The following NEK10 variants were observed in gnomAD, a reference collection of about 807,000 sequenced individuals.
NEK10 encodes NIMA related kinase 10, also known as serine/threonine-protein kinase Nek10.
A neutral mutation model predicts 159.8 loss-of-function variants in NEK10; 122 were observed. That is an observed-to-expected ratio of 0.76 (90% confidence interval 0.66 to 0.89). The LOEUF (loss-of-function observed/expected upper bound fraction) is 0.89, where lower values mean the gene tolerates loss of function less well. Ranked by LOEUF, NEK10 falls within the 40% of genes least tolerant of loss-of-function variation. NEK10 has a pLI of 0.00. For missense variants in NEK10, 1,342 were observed against 1,323.1 expected, an observed-to-expected ratio of 1.01 and a Z score of -0.22; for synonymous variants, 466 against 457.1, an observed-to-expected ratio of 1.02 and a Z score of -0.25.
chr3:27,267,473 C>T (rs1031258427), intron 22 of NEK10, among the ~76,000 whole-genome samples: 6 of 152,132 alleles, frequency 3.9e-5, no homozygotes, highest in African/African-American at 1.4e-4. Flanking sequence ...ACAGCATCTG[C>T]TCACTTTATA....
intron 23 of NEK10, among the ~76,000 whole-genome samples, chr3:27,237,142 C>T (rs191540748): frequency 1.2e-3 from 186 of 152,270 alleles, no homozygotes; most frequent in African/African-American, 3.7e-3. Flanking sequence ...AAAAATATGG[C>T]TCTATTCTGC....
intron 12 of NEK10, among the ~76,000 whole-genome samples, chr3:27,304,220 T>G (rs1446273993): frequency 6.6e-6 from 1 of 152,182 alleles, no homozygotes; most frequent in African/African-American, 2.4e-5. Context: ...GGACTAGAGT[T>G]AGTAACATGG....
At chr3:27,210,163 A>G (rs1950880852) in intron 23 of NEK10, among the ~76,000 whole-genome samples, 1 of 152,182 alleles carries the variant, frequency 6.6e-6, no homozygotes, top group South Asian at 2.1e-4. Flanking sequence ...GACAATTTAT[A>G]AAGAAAAGGA....
At chr3:27,259,904 G>T (rs1416498014) in intron 22 of NEK10, among the ~76,000 whole-genome samples, 4 of 152,076 alleles carry the variant, frequency 2.6e-5, no homozygotes, top group Admixed American at 6.6e-5. Flanking sequence ...TTGAGCAGTG[G>T]TTTGTAGTTC....
intron 25 of NEK10, among the ~76,000 whole-genome samples, chr3:27,196,483 T>C (rs1362692644): frequency 4.6e-5 from 7 of 152,066 alleles, no homozygotes; most frequent in Non-Finnish European, 4.4e-5. Context: ...GATGAGAAAA[T>C]TGGGCCTCAG....
intron 23 of NEK10, among the ~76,000 whole-genome samples, chr3:27,242,740 G>A (rs1366080711): frequency 6.6e-6 from 1 of 152,232 alleles, no homozygotes; most frequent in Non-Finnish European, 1.5e-5. Flanking sequence ...GAATTAAGGT[G>A]AGGAGGAGCT....
intron 6 of NEK10, 104 bp from the exon 7 acceptor site, chr3:27,314,442 T>C: frequency 1.4e-6 from 1 of 732,798 alleles, no homozygotes; most frequent in Non-Finnish European, 2.4e-6. Flanking sequence ...TATAATTATA[T>C]TGTGAAGGTC....
chr3:27,232,917 T>C (rs1043276515), intron 23 of NEK10, among the ~76,000 whole-genome samples: 2 of 152,010 alleles, frequency 1.3e-5, no homozygotes, highest in Middle Eastern at 3.2e-3. Flanking sequence ...CAAATCAAGA[T>C]GGATCAAAGA....
intron 5 of NEK10, among the ~76,000 whole-genome samples, chr3:27,323,898 C>T (rs1020306012): frequency 1.1e-4 from 16 of 152,202 alleles, no homozygotes; most frequent in Non-Finnish European, 2.2e-4. Flanking sequence ...AGGCCTTGCA[C>T]CCAGCAGCTA....
intron 28 of NEK10, among the ~76,000 whole-genome samples, chr3:27,173,551 T>A (rs1947213578): frequency 6.6e-6 from 1 of 152,192 alleles, no homozygotes; most frequent in Non-Finnish European, 1.5e-5. Context: ...CATCTAATCA[T>A]CATTTCGATG....
In NEK10 at chr3:27,284,668, T is replaced by C. The variant is rs760305484; in HGVS notation, c.1948A>G (p.Arg650Gly). 6.2e-7 allele frequency: 1 copy of C among 1,611,112 alleles called. No individual in the cohort carries two copies. Among genetic ancestry groups the C allele is most frequent in the South Asian group, 1.1e-5 (1 of 91,014 alleles). ...GGTGTCAGATCTCTATGGACAATCCTCTTCTCCTTGTGTAAGTATCGAAGA... is the reference window on the plus strand; with the variant it reads ...GGTGTCAGATCTCTATGGACAATCCCCTTCTCCTTGTGTAAGTATCGAAGA... ...LALRYLHKEK[R>G]IVHRDLTPNN... is the part of the protein sequence containing the mutation. The change falls in exon 22 of 36, where the codon AGG becomes GGG. Residue 650 changes from arginine (R) to glycine (G), a missense_variant. Coordinates refer to ENST00000691995, the MANE Select transcript of NEK10 (RefSeq NM_001394966.1).
At chr3:27,137,989 T>A (rs1943389733) in intron 31 of NEK10, among the ~76,000 whole-genome samples, 1 of 152,198 alleles carries the variant, frequency 6.6e-6, no homozygotes, top group Non-Finnish European at 1.5e-5. Flanking sequence ...TACTGGAACA[T>A]TTCTCCCTTG....
chr3:27,217,695 A>G (rs537205949), intron 23 of NEK10, among the ~76,000 whole-genome samples: 5 of 152,310 alleles, frequency 3.3e-5, no homozygotes, highest in African/African-American at 1.2e-4. Context: ...TAAAATCACA[A>G]GAAAGAAAAC....
chr3:27,305,536 A>T (rs1445241067), intron 11 of NEK10, among the ~76,000 whole-genome samples: 1 of 151,976 alleles, frequency 6.6e-6, no homozygotes, highest in African/African-American at 2.4e-5. Flanking sequence ...AAAAACAAAA[A>T]CAAAAACAAA....
At chr3:27,211,033 C>T (rs1297761293) in intron 23 of NEK10, among the ~76,000 whole-genome samples, 2 of 152,208 alleles carry the variant, frequency 1.3e-5, no homozygotes, top group Non-Finnish European at 2.9e-5. Context: ...GAGACTGACA[C>T]TGCATTATGC....
intron 23 of NEK10, among the ~76,000 whole-genome samples, chr3:27,241,929 G>A (rs1249418898): frequency 6.6e-6 from 1 of 152,144 alleles, no homozygotes; most frequent in African/African-American, 2.4e-5. Context: ...TTCCTCCCTG[G>A]CTACAACCAT....
rs1274182723 is a variant in NEK10, at chr3:27,174,726, G to A, written c.2613C>T (p.Ser871=). ...ADLPPEGFQA[S]YGKDEDRACD... is the part of the protein sequence containing the mutation. ...AGGCCCTGTCTTCGTCTTTACCATA[G>A]GAGGCCTGGAAGCCTTCAGGGGGCA... The change falls in exon 27 of 36, where the codon TCC becomes TCT. Residue 871 remains serine (S), a synonymous_variant. Transcript: ENST00000691995. 6.2e-7 allele frequency: 1 copy of A among 1,613,648 alleles called. No homozygotes were observed. The highest frequency in any genetic ancestry group is 1.7e-5 in the Admixed American group (1 of 59,914).
At chr3:27,318,102 C>G (rs2149635974) in intron 6 of NEK10, among the ~76,000 whole-genome samples, 1 of 152,304 alleles carries the variant, frequency 6.6e-6, no homozygotes, top group South Asian at 2.1e-4. Flanking sequence ...CGCGCCCAGC[C>G]AAAGTTTATT....
chr3:27,293,468 C>T lies in NEK10; in HGVS notation c.1373+120G>A, dbSNP rs574323200. 3.5e-5 allele frequency: 18 copies of T among 518,154 alleles called. No individual in the cohort carries two copies. The East Asian group carries it at 5.4e-4, about 16-fold the overall frequency. The allele number at this position is 518,154 out of a possible 1,614,324, so 32.1% of individuals were successfully genotyped here. A position where few individuals can be genotyped will look rare whatever the true frequency, so the allele number is the denominator to read the frequency against. ...CTGTGAAATAAGAAATCTGAAGACA[C>T]ATGGTTTGCATACTGACGCATTATT... On this transcript the variant is annotated intron_variant, in intron 16 of 35. Coordinates refer to ENST00000691995, the MANE Select transcript of NEK10 (RefSeq NM_001394966.1).
Sources: allele counts gnomAD v4.1 joint callset (sites outside exome capture counted in the v4.1 genomes callset), GRCh38; gene constraint gnomAD v4.1.1; transcripts MANE v1.5; gene names NCBI Gene and HGNC (gene_info 2026-07-23, HGNC 2026-07-21).